CLTA: variants seen among roughly 807,000 people sequenced by gnomAD.
The protein encoded by CLTA is clathrin light chain A.
In CLTA, 9 loss-of-function variants were observed where a neutral mutation model predicts 26.9. The observed-to-expected ratio is 0.33, with a 90% CI of 0.20 to 0.58. CLTA has a LOEUF of 0.58. CLTA is among the 20% of genes least tolerant of loss of function. CLTA has a pLI of 0.85. For synonymous variants in CLTA, 120 were observed against 115.5 expected (o/e 1.04, Z -0.25); for missense variants, 278 against 294.2 (o/e 0.94, Z 0.40).
chr9:36,203,940 T>C, intron 3 of CLTA, 128 bp from the exon 4 acceptor site: 1 of 1,304,438 alleles, frequency 7.7e-7, no homozygotes. Flanking sequence ...TCTCTACTCT[T>C]CTCCCCCAAC....
intron 3 of CLTA, among the ~76,000 whole-genome samples, chr9:36,200,892 G>C (rs892704409): frequency 1.1e-4 from 17 of 152,258 alleles, no homozygotes; most frequent in Admixed American, 1.0e-3. Flanking sequence ...ATGAAAATAG[G>C]TCCTAACAGC....
At chr9:36,194,024 CTA>C (rs1826890174) in intron 1 of CLTA, among the ~76,000 whole-genome samples, 1 of 151,944 alleles carries the variant, frequency 6.6e-6, no homozygotes, top group Non-Finnish European at 1.5e-5. Flanking sequence ...CAGTAAGGCA[CTA>C]TTATGGTGTT....
At chr9:36,209,996 CAA>C (rs1192512177) in intron 4 of CLTA, among the ~76,000 whole-genome samples, 7 of 152,338 alleles carry the variant, frequency 4.6e-5, no homozygotes, top group Admixed American at 2.0e-4. Flanking sequence ...TCAGGATAGT[CAA>C]AGTGTCTTGA....
At chr9:36,197,468 A>G (rs1033181095) in intron 1 of CLTA, 83 bp from the exon 2 acceptor site, 14 of 886,572 alleles carry the variant, frequency 1.6e-5, no homozygotes, top group African/African-American at 1.3e-4. Flanking sequence ...CATACAGCAT[A>G]TGATGCTGTA....
At position 36,191,138 on chromosome 9, in the gene CLTA, G is replaced by T; in HGVS notation, c.82G>T (p.Glu28Ter). 6.2e-7 allele frequency: 1 copy of T among 1,600,876 alleles called. No homozygotes were observed. The highest frequency in any genetic ancestry group is 1.1e-5 in the South Asian group (1 of 90,232). Residue 28 changes from glutamate (E) to a stop codon, truncating the protein, a stop_gained, in exon 1 of 5, where the codon GAA (glutamate) becomes TAA (stop). Coordinates refer to ENST00000345519, the MANE Select transcript of CLTA (RefSeq NM_001833.4). LOFTEE classifies it high-confidence loss of function. ...ALGNGVAGAG[E>*]EDPAAAFLAQ... ...GGGGAACGGAGTGGCCGGCGCCGGC[G>T]AAGAAGACCCGGCTGCGGCCTTCTT...
chr9:36,191,138 G>A lies in CLTA; in HGVS notation c.82G>A (p.Glu28Lys). The A allele has an allele frequency of 1.2e-6, 2 of 1,600,878 alleles. No individual in the cohort carries two copies. The highest frequency in any genetic ancestry group is 1.7e-6 in the Non-Finnish European group (2 of 1,176,014). ...ALGNGVAGAG[E>K]EDPAAAFLAQ... Reference sequence around the variant, plus strand: ...GGGGAACGGAGTGGCCGGCGCCGGCGAAGAAGACCCGGCTGCGGCCTTCTT... The same window carrying A: ...GGGGAACGGAGTGGCCGGCGCCGGCAAAGAAGACCCGGCTGCGGCCTTCTT... The change falls in exon 1 of 5, where the codon GAA (glutamate) becomes AAA (lysine). Residue 28 changes from glutamate to lysine, a missense_variant. By Grantham distance (56) the Glu-to-Lys change is moderately conservative. Coordinates refer to ENST00000345519, the MANE Select transcript of CLTA (RefSeq NM_001833.4).
At chr9:36,208,198 A>G (rs747154573) in intron 4 of CLTA, among the ~76,000 whole-genome samples, 3 of 152,196 alleles carry the variant, frequency 2.0e-5, no homozygotes, top group Non-Finnish European at 4.4e-5. Context: ...GTAAGACTCC[A>G]TGAGGGAGGT....
rs371962643 is a variant in CLTA at position 36,198,244 on chromosome 9, C to T, written c.255+656C>T. On this transcript the variant is annotated intron_variant, in intron 2 of 4. Transcript: ENST00000345519. ...AACTCCTGGGCTCAAGTGACCATCC[C>T]GCCTTGGCCTCCCAAAGTGCTGGGA... Among the ~76,000 whole-genome samples, 7 of 151,984 alleles carry T rather than the reference C, an allele frequency of 4.6e-5. No individual in the cohort carries two copies. In the East Asian group the frequency reaches 1.2e-3, roughly 25 times the overall value.
rs934865714 is a variant in CLTA at position 36,210,036 on chromosome 9, A to AC, written c.486-1560dup. On this transcript the variant is annotated intron_variant, in intron 4 of 4. Coordinates refer to ENST00000345519, the MANE Select transcript of CLTA (RefSeq NM_001833.4). ...CGGGCCACTTGGGCTTCTCCCCCTG[A>AC]CCCCCCCAAAAGAAACCTGCATCTT... Among the ~76,000 whole-genome samples, 15 of 146,022 alleles carry AC rather than the reference A, an allele frequency of 1.0e-4. No homozygotes were observed. In the South Asian group the frequency reaches 1.1e-3, roughly 10 times the overall value.
rs746434647 is a variant in CLTA, at chr9:36,204,024, A to C, written c.374-44A>C. 3.7e-6 allele frequency: 6 copies of C among 1,611,002 alleles called. No individual in the cohort carries two copies. In the African/African-American group the frequency reaches 8.0e-5, roughly 22 times the overall value. ...AATAAACTGATGAACTTCAGTTTGC[A>C]CTTTGCCTCAATTGTATTGTCTTTC... On this transcript the variant is annotated intron_variant, in intron 3 of 4. Transcript: ENST00000345519.
In CLTA at chr9:36,202,940, G is replaced by A. The variant is rs145412244; in HGVS notation, c.374-1128G>A. ...AGATTCAAGCGATTCTCCTGCCTCA[G>A]CCTCCCCAGTAATCCCCAGTAGCTG... On this transcript the variant is annotated intron_variant, in intron 3 of 4. Coordinates refer to ENST00000345519, the MANE Select transcript of CLTA (RefSeq NM_001833.4). Among the ~76,000 whole-genome samples the A allele has an allele frequency of 6.0e-3, 906 of 151,588 alleles. 8 individuals are homozygous for A. The highest frequency in any genetic ancestry group is 0.021 in the African/African-American group (851 of 41,288).
chr9:36,195,161 C>G (rs1459767148), intron 1 of CLTA, among the ~76,000 whole-genome samples: 1 of 151,974 alleles, frequency 6.6e-6, no homozygotes, highest in African/African-American at 2.4e-5. Flanking sequence ...AAAATAAATT[C>G]CAGGTGGATT....
chr9:36,192,014 C>G (rs1210283136), intron 1 of CLTA, among the ~76,000 whole-genome samples: 1 of 152,116 alleles, frequency 6.6e-6, no homozygotes, highest in Non-Finnish European at 1.5e-5. Context: ...CAGCCAAACT[C>G]AAGTAAAAAT....
chr9:36,210,586 A>C, intron 4 of CLTA: 1 of 1,614,034 alleles, frequency 6.2e-7, no homozygotes, highest in Non-Finnish European at 8.5e-7. Flanking sequence ...TATCTGACTT[A>C]AAGTTTCTCT....
intron 1 of CLTA, among the ~76,000 whole-genome samples, chr9:36,197,231 T>C (rs1827110597): frequency 6.6e-6 from 1 of 152,188 alleles, no homozygotes; most frequent in Admixed American, 6.5e-5. Flanking sequence ...ACTTTTTTTT[T>C]TCCCTCATGC....
At chr9:36,196,329 T>C (rs1420656804) in intron 1 of CLTA, among the ~76,000 whole-genome samples, 1 of 149,482 alleles carries the variant, frequency 6.7e-6, no homozygotes, top group African/African-American at 2.5e-5. Context: ...TTCCTTTTTT[T>C]TCTTTCTTTT....
At position 36,204,059 on chromosome 9, in the gene CLTA, C is replaced by A; in HGVS notation, c.374-9C>A. The stretch of plus-strand genomic sequence containing the variant: ...AATTGTATTGTCTTTCTCTTCTCTC[C>A]CTTCAAAGATGCCAATTCTCGGAAG... On this transcript the variant is annotated splice_polypyrimidine_tract_variant and intron_variant, in intron 3 of 4. Transcript: ENST00000345519. The A allele has an allele frequency of 6.2e-7, 1 of 1,613,782 alleles. No homozygotes were observed. The highest frequency in any genetic ancestry group is 2.2e-5 in the East Asian group (1 of 44,892).
chr9:36,197,136 CTT>C (rs796663880), intron 1 of CLTA, among the ~76,000 whole-genome samples: 3 of 152,320 alleles, frequency 2.0e-5, no homozygotes, highest in African/African-American at 7.2e-5. Flanking sequence ...GATTGGGCCA[CTT>C]TGCTCCAGCC....
intron 4 of CLTA, among the ~76,000 whole-genome samples, chr9:36,210,085 T>C (rs1827953330): frequency 6.6e-6 from 1 of 151,000 alleles, no homozygotes; most frequent in Non-Finnish European, 1.5e-5. Context: ...GTTTTTCTTA[T>C]TCTTTTTTTT....
Sources: allele counts gnomAD v4.1 joint callset (sites outside exome capture counted in the v4.1 genomes callset), GRCh38; gene constraint gnomAD v4.1.1; transcripts MANE v1.5; gene names NCBI Gene and HGNC (gene_info 2026-07-23, HGNC 2026-07-21).